FPGS: variants seen among roughly 807,000 people sequenced by gnomAD.
FPGS encodes the protein folylpolyglutamate synthase, also known as folylpolyglutamate synthase, mitochondrial.
Under a neutral mutation model 66.5 loss-of-function variants are expected in FPGS, and 53 were observed. The ratio of observed to expected loss-of-function variants is 0.80; its 90% CI spans 0.64 to 1.00. FPGS has a LOEUF of 1.00. Ranked by LOEUF, FPGS falls within the 50% of genes least tolerant of loss-of-function variation. The pLI, the probability that FPGS is intolerant of heterozygous loss-of-function variation, is 0.00. For synonymous variants in FPGS, 348 were observed against 350.9 expected (o/e 0.99, Z 0.09); for missense variants, 702 against 807.7 (o/e 0.87, Z 1.59).
intron 4 of FPGS, chr9:127,806,581 AG>A (rs1829816631): frequency 4.9e-6 from 1 of 202,726 alleles, no homozygotes; most frequent in African/African-American, 2.3e-5. Context: ...CATGGCCTTG[AG>A]GGCCAGCCCA....
chr9:127,814,426 C>G (rs1037710457), downstream of FPGS: 2 of 152,544 alleles, frequency 1.3e-5, no homozygotes, highest in Non-Finnish European at 2.9e-5. Flanking sequence ...GCGGGCGGAT[C>G]ATGAGGTCAA....
intron 13 of FPGS, among the ~76,000 whole-genome samples, chr9:127,810,440 G>A (rs1830027139): frequency 6.6e-6 from 1 of 152,066 alleles, no homozygotes; most frequent in Admixed American, 6.6e-5. Context: ...GCCTCAGTTT[G>A]CCTCTCCGTA....
intron 14 of FPGS, among the ~76,000 whole-genome samples, chr9:127,812,703 T>G (rs1021971247): frequency 1.6e-4 from 24 of 151,842 alleles, no homozygotes; most frequent in South Asian, 2.1e-4. Context: ...GTGTGTGTGT[T>G]TTTTTCAGAG....
rs777474027 is a variant in FPGS, at chr9:127,807,551, A to G, written c.642-35A>G. ...AGCCTCACCTGCCGCCTGGTGGCTC[A>G]GGGCAGGGCCTCATGGCCTTTTCCT... On this transcript the variant is annotated intron_variant, in intron 7 of 14. Coordinates refer to ENST00000373247, the MANE Select transcript of FPGS (RefSeq NM_004957.6). This position sits in a 1 kb window ranked among gnomAD's most constrained non-coding sequence, Gnocchi z 5.8. The G allele has an allele frequency of 6.2e-6, 10 of 1,611,738 alleles. No individual in the cohort carries two copies. In the East Asian group the frequency reaches 2.2e-4, roughly 36 times the overall value.
chr9:127,812,699 G>GTT (rs139944773), intron 14 of FPGS, among the ~76,000 whole-genome samples: 14 of 150,046 alleles, frequency 9.3e-5, no homozygotes, highest in South Asian at 2.1e-4. Context: ...TTGTGTGTGT[G>GTT]TGTTTTTTTC....
chr9:127,806,362 G>A (rs1253066488), intron 4 of FPGS: 1 of 153,192 alleles, frequency 6.5e-6, no homozygotes, highest in African/African-American at 2.4e-5. Context: ...AAGAATCAGC[G>A]AGGCGTGGTG....
downstream of FPGS, chr9:127,814,110 A>G: frequency 1.0e-6 from 1 of 986,296 alleles, no homozygotes; most frequent in Non-Finnish European, 1.2e-6. Flanking sequence ...CTCAGCAGAG[A>G]CGGAGGGAGG....
Position 127,807,116 on chromosome 9 carries a change from G to A in FPGS, c.501+29G>A, listed in dbSNP as rs1829845434. Reference sequence around the variant, plus strand: ...CCGCATGCAGGAGGGCTGGCGGGTGGGTATGGTTGGGGGTGCTACGTGTTC... The same window carrying A: ...CCGCATGCAGGAGGGCTGGCGGGTGAGTATGGTTGGGGGTGCTACGTGTTC... On this transcript the variant is annotated intron_variant, in intron 5 of 14. Coordinates refer to ENST00000373247, the MANE Select transcript of FPGS (RefSeq NM_004957.6). This position sits in a 1 kb window ranked among gnomAD's most constrained non-coding sequence, Gnocchi z 5.8. 1 of 1,610,542 alleles carries A rather than the reference G, an allele frequency of 6.2e-7. No individual in the cohort carries two copies. Among genetic ancestry groups the A allele is most frequent in the African/African-American group, 1.3e-5 (1 of 74,868 alleles).
At position 127,807,997 on chromosome 9, in the gene FPGS, T is replaced by G; in HGVS notation, c.745-237T>G. On this transcript the variant is annotated intron_variant, in intron 8 of 14. Transcript: ENST00000373247. The surrounding 1 kb of genome is among the most constrained non-coding windows in gnomAD (Gnocchi z 5.8). ...GGTGTACGCCTGTAGTTCCAGCTAC[T>G]TGGGAGACTGAGGCAGGAGAATCAC... 5.2e-6 allele frequency: 3 copies of G among 577,026 alleles called. No homozygotes were observed. Among genetic ancestry groups the G allele is most frequent in the South Asian group, 4.4e-5 (2 of 45,974 alleles). The allele number at this position is 577,026 out of a possible 1,614,324, so 35.7% of individuals were successfully genotyped here. A position where few individuals can be genotyped will look rare whatever the true frequency, so the allele number is the denominator to read the frequency against.
chr9:127,809,717 A>G lies in FPGS; in HGVS notation c.1094A>G (p.Gln365Arg). 1.3e-6 allele frequency: 2 copies of G among 1,589,066 alleles called. No individual in the cohort carries two copies. Among genetic ancestry groups the G allele is most frequent in the Non-Finnish European group, 8.5e-7 (1 of 1,175,564 alleles). Residue 365 changes from glutamine to arginine, a missense_variant, in exon 12 of 15, where the codon CAG becomes CGG. Gln to Arg is a conservative substitution (Grantham distance 43). This residue lies in a region of FPGS where 351 missense variants were observed against 363.7 expected (regional missense o/e 0.97). Coordinates refer to ENST00000373247, the MANE Select transcript of FPGS (RefSeq NM_004957.6). Reference sequence around the variant, plus strand: ...AACACGGAGTGGCCGGGCCGGACGCAGGTGCTGCGGCGCGGGCCCCTCACC... The same window carrying G: ...AACACGGAGTGGCCGGGCCGGACGCGGGTGCTGCGGCGCGGGCCCCTCACC... Reference protein sequence around the residue: ...LRNTEWPGRTQVLRRGPLTWY... With the variant: ...LRNTEWPGRTRVLRRGPLTWY...
chr9:127,804,781 A>G, intron 4 of FPGS, 81 bp downstream of exon 4: 1 of 1,399,756 alleles, frequency 7.1e-7, no homozygotes, highest in Non-Finnish European at 1.0e-6. Context: ...CTTCAGGACC[A>G]GGGTCACCCC....
chr9:127,813,710 G>T lies in FPGS; in HGVS notation c.*106G>T, dbSNP rs1283470611. ...TTTTTGGCTTTCCTGGTTCTGTCTA[G>T]ACTGGCCTAGGGGCCAGGGCTTTGG... is the stretch of plus-strand genomic sequence containing the variant. On this transcript the variant is annotated 3_prime_UTR_variant, in exon 15 of 15. Coordinates refer to ENST00000373247, the MANE Select transcript of FPGS (RefSeq NM_004957.6). 1.4e-6 allele frequency: 2 copies of T among 1,401,110 alleles called. No homozygotes were observed. Among genetic ancestry groups the T allele is most frequent in the South Asian group, 1.7e-5 (1 of 59,740 alleles). 86.8% of individuals were successfully genotyped at this position (1,401,110 alleles called of 1,614,324 possible).
In FPGS at chr9:127,813,823, G is replaced by GGGTC; in HGVS notation, c.*220_*223dup. ...GGCTGAGATAGCAGAGGGGCTCCCC[G>GGGTC]GGTCTCTCACTGTTGCAGTGGCCTG... On this transcript the variant is annotated 3_prime_UTR_variant, in exon 15 of 15. Coordinates refer to ENST00000373247, the MANE Select transcript of FPGS (RefSeq NM_004957.6). 2 of 1,262,692 alleles carry GGGTC rather than the reference G, an allele frequency of 1.6e-6. No homozygotes were observed. Among genetic ancestry groups the GGGTC allele is most frequent in the African/African-American group, 3.1e-5 (2 of 64,774 alleles). The allele number at this position is 1,262,692 out of a possible 1,614,324, so 78.2% of individuals were successfully genotyped here.
chr9:127,811,729 A>G (rs1830089159), intron 14 of FPGS, among the ~76,000 whole-genome samples: 1 of 151,842 alleles, frequency 6.6e-6, no homozygotes, highest in Admixed American at 6.6e-5. Flanking sequence ...CAAATGATCC[A>G]CCCACCTCAG....
rs1223953600 is a variant in FPGS at position 127,808,324 on chromosome 9, G to A, written c.822+13G>A. ...CCAGCAGATCTCAGTAAGTCTGATT[G>A]GAATGGGGCAGCGGCAGGGTGGGTT... On this transcript the variant is annotated intron_variant, in intron 9 of 14. Coordinates refer to ENST00000373247, the MANE Select transcript of FPGS (RefSeq NM_004957.6). 1 of 1,610,286 alleles carries A rather than the reference G, an allele frequency of 6.2e-7. No homozygotes were observed. Among genetic ancestry groups the A allele is most frequent in the East Asian group, 2.2e-5 (1 of 44,852 alleles).
chr9:127,803,005 G>A lies in FPGS; in HGVS notation c.81G>A (p.Ala27=), dbSNP rs1165088234. The A allele has an allele frequency of 6.8e-7, 1 of 1,465,716 alleles. No homozygotes were observed. The highest frequency in any genetic ancestry group is 2.5e-5 in the Admixed American group (1 of 39,324). The allele number at this position is 1,465,716 out of a possible 1,614,324, so 90.8% of individuals were successfully genotyped here. The change falls in exon 1 of 15, where the codon GCG becomes GCA. Residue 27 remains alanine (A), a synonymous_variant. Coordinates refer to ENST00000373247, the MANE Select transcript of FPGS (RefSeq NM_004957.6). ...CGCGCGGCATAACGACCCAGGTCGC[G>A]GCGCGGCGGGGCTTGAGCGCGTGGC... ...ASARGITTQV[A]ARRGLSAWPV... is the part of the protein sequence containing the mutation.
In FPGS at chr9:127,807,813, G is replaced by A. The variant is rs184155766; in HGVS notation, c.744+125G>A. The A allele has an allele frequency of 4.6e-6, 3 of 646,664 alleles. No individual in the cohort carries two copies. Among genetic ancestry groups the A allele is most frequent in the Non-Finnish European group, 7.9e-6 (3 of 379,238 alleles). The allele number at this position is 646,664 out of a possible 1,614,324, so 40.1% of individuals were successfully genotyped here. ...CTCCAGACTATTTCCCCATTGAAACGTGAGGGATGGCTGGGCATGGTGGCT... is the reference window on the plus strand; with the variant it reads ...CTCCAGACTATTTCCCCATTGAAACATGAGGGATGGCTGGGCATGGTGGCT... On this transcript the variant is annotated intron_variant, in intron 8 of 14. Transcript: ENST00000373247. The surrounding 1 kb of genome is among the most constrained non-coding windows in gnomAD (Gnocchi z 5.8).
chr9:127,808,165 T>A, intron 8 of FPGS, 69 bp from the exon 9 acceptor site: 1 of 1,164,220 alleles, frequency 8.6e-7, no homozygotes, highest in Non-Finnish European at 1.3e-6. Flanking sequence ...GACCCAGGGA[T>A]GTGGGGGCCA....
chr9:127,812,638 G>A (rs1412479372), intron 14 of FPGS, among the ~76,000 whole-genome samples: 3 of 152,200 alleles, frequency 2.0e-5, no homozygotes, highest in South Asian at 2.1e-4. Context: ...AGTATAGCTG[G>A]GATTATAGGC....
Sources: gnomAD v4.1 joint callset for allele counts (sites outside exome capture counted in the v4.1 genomes callset) on GRCh38, gnomAD v4.1.1 for gene constraint, gnomAD v4.1.1 regional missense constraint, Gnocchi (gnomAD v3.1) non-coding constraint, MANE v1.5 for transcripts, NCBI Gene and HGNC (gene_info 2026-07-23, HGNC 2026-07-21) for gene names.